The following SDK1 variants were observed in gnomAD, a reference collection of about 807,000 sequenced individuals.
SDK1 encodes protein sidekick-1.
A neutral mutation model predicts 245.5 loss-of-function variants in SDK1; 157 were observed. That is an observed-to-expected ratio of 0.64 (90% CI 0.56 to 0.73). The LOEUF is 0.73. SDK1 is among the 30% of genes least tolerant of loss of function. The probability of loss-of-function intolerance (pLI) is 0.00; values close to 1 mark genes in which losing one functional copy is unlikely to be tolerated. For synonymous variants in SDK1, 1,647 were observed against 1,278.5 expected (o/e 1.29, Z -6.15); for missense variants, 3,583 against 3,002.3 (o/e 1.19, Z -4.52).
chr7:3,678,042 A>G (rs1375535177), intron 4 of SDK1, among the ~76,000 whole-genome samples: 1 of 152,228 alleles, frequency 6.6e-6, no homozygotes, highest in Non-Finnish European at 1.5e-5. Flanking sequence ...TGGTCAAACC[A>G]CAGCAGGTCA....
intron 4 of SDK1, among the ~76,000 whole-genome samples, chr7:3,820,760 G>T (rs911306472): frequency 5.3e-5 from 8 of 152,194 alleles, no homozygotes; most frequent in Non-Finnish European, 1.0e-4. Flanking sequence ...CAGAGAAAGG[G>T]CAGGTGCATT....
intron 5 of SDK1, among the ~76,000 whole-genome samples, chr7:3,887,829 CAAAAA>C (rs988916911): frequency 6.6e-6 from 1 of 152,036 alleles, no homozygotes; most frequent in African/African-American, 2.4e-5. Context: ...ATATAAATAA[CAAAAA>C]AATGCATTTT....
intron 1 of SDK1, among the ~76,000 whole-genome samples, chr7:3,482,290 G>T (rs754693326): frequency 6.6e-6 from 1 of 152,116 alleles, no homozygotes; most frequent in Admixed American, 6.5e-5. Flanking sequence ...GAATTGGCAG[G>T]GTGAAAAAGG....
rs1314798999 is a variant in SDK1, at chr7:3,605,821, A to T, written c.299-13259A>T. ...GTTTTTGAAATAGTCTAGGACATTT[A>T]AATTTTAACTTCTGATCAAATTAAG... On this transcript the variant is annotated intron_variant, in intron 1 of 44. Coordinates refer to ENST00000404826, the MANE Select transcript of SDK1 (RefSeq NM_152744.4). Among the ~76,000 whole-genome samples the T allele has an allele frequency of 3.9e-5, 6 of 152,166 alleles. 1 individual carries two copies. Among genetic ancestry groups the T allele is most frequent in the African/African-American group, 4.8e-5 (2 of 41,444 alleles).
rs112175594 is a variant in SDK1 at position 3,739,243 on chromosome 7, C to T, written c.714-82207C>T. ...GATTTTGTTCTTTGCCATTTAACAG[C>T]TTTACTTTTATGTAGCTGGGTGTTG... is the stretch of plus-strand genomic sequence containing the variant. On this transcript the variant is annotated intron_variant, in intron 4 of 44. Coordinates refer to ENST00000404826, the MANE Select transcript of SDK1 (RefSeq NM_152744.4). Among the ~76,000 whole-genome samples, 1,261 of 152,244 alleles carry T rather than the reference C, an allele frequency of 8.3e-3. 15 individuals carry two copies. Among genetic ancestry groups the T allele is most frequent in the South Asian group, 0.017 (84 of 4,824 alleles).
chr7:3,576,642 C>G (rs1342246300), intron 1 of SDK1, among the ~76,000 whole-genome samples: 2 of 151,898 alleles, frequency 1.3e-5, no homozygotes, highest in South Asian at 2.1e-4. Flanking sequence ...TCATTTTTCT[C>G]CAGTGTAGGC....
At chr7:3,782,785 T>C (rs904865578) in intron 4 of SDK1, among the ~76,000 whole-genome samples, 1 of 152,368 alleles carries the variant, frequency 6.6e-6, no homozygotes, top group South Asian at 2.1e-4. Flanking sequence ...ATTTAATATG[T>C]ATTGCTTTTG....
At chr7:4,204,387 G>A (rs929109078) in intron 35 of SDK1, among the ~76,000 whole-genome samples, 8 of 152,182 alleles carry the variant, frequency 5.3e-5, no homozygotes, top group African/African-American at 7.2e-5. Context: ...CCTGGTGTGG[G>A]CTATTAACAT....
chr7:3,542,913 A>G (rs1209778640), intron 1 of SDK1, among the ~76,000 whole-genome samples: 1 of 152,230 alleles, frequency 6.6e-6, no homozygotes, highest in African/African-American at 2.4e-5. Context: ...GGAGACTAGG[A>G]AAAATAGCAG....
chr7:3,632,332 A>C (rs1045720819), intron 2 of SDK1, among the ~76,000 whole-genome samples: 3 of 152,230 alleles, frequency 2.0e-5, no homozygotes, highest in Non-Finnish European at 4.4e-5. Context: ...AAAATCACAT[A>C]AACGGGAATC....
chr7:3,672,764 T>TATACATATATATATATATATAC (rs1282047721), intron 4 of SDK1, among the ~76,000 whole-genome samples: 1 of 68,864 alleles, frequency 1.5e-5, no homozygotes, highest in Non-Finnish European at 2.8e-5. Flanking sequence ...TAATTTTATA[T>TATACATATATATATATATATAC]ATATATATAT....
At chr7:4,234,835 C>A (rs1786047265) in intron 41 of SDK1, among the ~76,000 whole-genome samples, 2 of 152,170 alleles carry the variant, frequency 1.3e-5, no homozygotes, top group African/African-American at 4.8e-5. Context: ...GAGAGGGGAT[C>A]TCAGCAGCAT....
chr7:4,077,606 G>A lies in SDK1; in HGVS notation c.3202+417G>A, dbSNP rs186122309. 1.6e-4 allele frequency among the ~76,000 whole-genome samples: 25 copies of A among 152,326 alleles called. 1 individual carries two copies. The highest frequency in any genetic ancestry group is 6.2e-4 in the South Asian group (3 of 4,828). On this transcript the variant is annotated intron_variant, in intron 21 of 44. Transcript: ENST00000404826. ...ACAGGTTTAATGGACTTACAGTTCCGTATGGTTGGGGAGGCCTCACAATCA... is the reference window on the plus strand; with the variant it reads ...ACAGGTTTAATGGACTTACAGTTCCATATGGTTGGGGAGGCCTCACAATCA...
At chr7:4,254,125 C>G (rs535158037) in intron 44 of SDK1, among the ~76,000 whole-genome samples, 1 of 151,988 alleles carries the variant, frequency 6.6e-6, no homozygotes, top group Non-Finnish European at 1.5e-5. Context: ...CATATTTTAC[C>G]GGTAGATTAA....
chr7:3,669,486 T>C (rs1199972963), intron 4 of SDK1, among the ~76,000 whole-genome samples: 2 of 151,276 alleles, frequency 1.3e-5, no homozygotes, highest in South Asian at 4.2e-4. Flanking sequence ...TTCGGTTTAC[T>C]TCCACCTTCT....
chr7:3,655,467 A>ATG (rs1783141257), intron 4 of SDK1, among the ~76,000 whole-genome samples: 1 of 26,548 alleles, frequency 3.8e-5, no homozygotes, highest in African/African-American at 9.1e-5. Flanking sequence ...ATATATATAT[A>ATG]TATATATATA....
chr7:3,939,461 G>A (rs1242782160), intron 5 of SDK1, among the ~76,000 whole-genome samples: 1 of 152,258 alleles, frequency 6.6e-6, no homozygotes, highest in East Asian at 1.9e-4. Flanking sequence ...TTTCTATTTC[G>A]TGAACTTGTT....
At chr7:3,806,983 C>T (rs1223015289) in intron 4 of SDK1, among the ~76,000 whole-genome samples, 1 of 152,014 alleles carries the variant, frequency 6.6e-6, no homozygotes, top group Non-Finnish European at 1.5e-5. Flanking sequence ...TCAAAACGGC[C>T]CTTTTTGAGT....
Position 3,951,838 on chromosome 7 carries a change from C to G in SDK1, c.1068C>G (p.Asp356Glu). The G allele has an allele frequency of 6.2e-7, 1 of 1,613,836 alleles. No homozygotes were observed. The highest frequency in any genetic ancestry group is 1.7e-5 in the Admixed American group (1 of 60,020). ...RLTISNPTSA[D>E]TGPYVCEAAL... ...CCATCAGCAACCCGACGTCCGCGGA[C>G]ACCGGGCCATACGTCTGCGAGGCGG... The change falls in exon 7 of 45, where the codon GAC becomes GAG. Residue 356 changes from aspartate (D) to glutamate (E), a missense_variant. Physicochemically the swap from Asp to Glu is conservative, Grantham distance 45. Coordinates refer to ENST00000404826, the MANE Select transcript of SDK1 (RefSeq NM_152744.4).
Sources: allele counts gnomAD v4.1 joint callset (sites outside exome capture counted in the v4.1 genomes callset), GRCh38; gene constraint gnomAD v4.1.1; transcripts MANE v1.5; gene names NCBI Gene and HGNC (gene_info 2026-07-23, HGNC 2026-07-21).